DPP6: variants seen among roughly 807,000 people sequenced by gnomAD.
DPP6 encodes the protein A-type potassium channel modulatory protein DPP6.
DPP6 carries 69 observed loss-of-function variants against 122.6 expected under a neutral mutation model. That is an observed-to-expected ratio of 0.56 (90% CI 0.46 to 0.69). The LOEUF (loss-of-function observed/expected upper bound fraction) is 0.69. Among genes scored for constraint, DPP6 ranks in the 30% least tolerant of loss-of-function variants. DPP6 has a pLI of 0.00. For missense variants in DPP6, 928 were observed against 1,116.9 expected (o/e 0.83, Z 2.41); for synonymous variants, 418 against 433.1 (o/e 0.97, Z 0.43).
chr7:153,834,222 G>T, the DPP6 span, among the ~76,000 whole-genome samples: 1 of 151,500 alleles, frequency 6.6e-6, no homozygotes, highest in African/African-American at 2.4e-5. Context: ...AGGAGGCAGA[G>T]GTTGCAGTGA....
intron 5 of DPP6, among the ~76,000 whole-genome samples, chr7:154,612,013 G>A (rs1225296883): frequency 6.6e-6 from 1 of 152,156 alleles, no homozygotes; most frequent in Non-Finnish European, 1.5e-5. Context: ...AGTGCTGGGA[G>A]GTACAGCCCA....
intron 1 of DPP6, among the ~76,000 whole-genome samples, chr7:153,892,812 A>G (rs745933721): frequency 2.0e-5 from 3 of 152,286 alleles, no homozygotes; most frequent in Non-Finnish European, 2.9e-5. Flanking sequence ...CTAAGGTCAC[A>G]GTTTTCTGAG....
chr7:154,792,725 A>G (rs79651697), intron 10 of DPP6, among the ~76,000 whole-genome samples: 5,421 of 152,388 alleles, frequency 0.036, 158 homozygotes, highest in Non-Finnish European at 0.057. Flanking sequence ...TGTTTCAGAC[A>G]TCACAGAAAT....
At chr7:154,336,556 T>C (rs956611057) in intron 1 of DPP6, among the ~76,000 whole-genome samples, 1 of 152,166 alleles carries the variant, frequency 6.6e-6, no homozygotes, top group Non-Finnish European at 1.5e-5. Context: ...TTGCCAGAGC[T>C]GGAACGTAAC....
intron 1 of DPP6, among the ~76,000 whole-genome samples, chr7:154,101,786 G>A (rs1227630846): frequency 6.6e-6 from 1 of 151,522 alleles, no homozygotes; most frequent in Non-Finnish European, 1.5e-5. Flanking sequence ...AAATTAGCTG[G>A]GCACTGTGGC....
chr7:154,440,901 C>A (rs539045819), intron 1 of DPP6, among the ~76,000 whole-genome samples: 1 of 152,294 alleles, frequency 6.6e-6, no homozygotes, highest in Admixed American at 6.5e-5. Context: ...CCGATTGCTC[C>A]AGTCTTCTCC....
chr7:153,902,720 C>A (rs529435503), intron 1 of DPP6, among the ~76,000 whole-genome samples: 1 of 152,014 alleles, frequency 6.6e-6, no homozygotes, highest in Non-Finnish European at 1.5e-5. Context: ...CCTGTAATCC[C>A]AGCTGTTTGG....
At chr7:154,026,311 T>C (rs1798953505) in intron 1 of DPP6, 1 of 151,918 alleles carries the variant, frequency 6.6e-6, no homozygotes, top group South Asian at 2.1e-4. Context: ...CTCTGCCCCA[T>C]GTACCTTTTA....
At chr7:154,062,307 A>C (rs1401280777) in intron 1 of DPP6, among the ~76,000 whole-genome samples, 7 of 70,790 alleles carry the variant, frequency 9.9e-5, no homozygotes, top group Non-Finnish European at 1.7e-4. Flanking sequence ...CCCGGCTCTG[A>C]GGACCCCCAT....
At chr7:154,635,621 A>T (rs1835685427) in intron 5 of DPP6, among the ~76,000 whole-genome samples, 1 of 152,220 alleles carries the variant, frequency 6.6e-6, no homozygotes. Flanking sequence ...TTAATCTTGC[A>T]GTCACTGTGG....
rs1181193117 is a variant in DPP6 at position 154,053,098 on chromosome 7, G to T, written c.243+35G>T. 5 of 1,070,410 alleles carry T rather than the reference G, an allele frequency of 4.7e-6. No homozygotes were observed. In the African/African-American group the frequency reaches 6.7e-5, roughly 14 times the overall value. 66.3% of individuals were successfully genotyped at this position (1,070,410 alleles called of 1,614,324 possible). On this transcript the variant is annotated intron_variant, in intron 1 of 25. Coordinates refer to ENST00000377770, the MANE Select transcript of DPP6 (RefSeq NM_130797.4). ...TCTCGGGGGCGGGGGGCGGCGGCGGGTTCTCCGGGCTGAGCGCGCAGCGAG... is the reference window on the plus strand; with the variant it reads ...TCTCGGGGGCGGGGGGCGGCGGCGGTTTCTCCGGGCTGAGCGCGCAGCGAG...
intron 1 of DPP6, among the ~76,000 whole-genome samples, chr7:153,971,369 C>T (rs1485962109): frequency 2.6e-5 from 4 of 151,188 alleles, no homozygotes; most frequent in Non-Finnish European, 1.5e-5. Flanking sequence ...ATTTTATCTG[C>T]AAATCAAGCC....
At chr7:153,980,486 TA>T (rs967243277) in intron 1 of DPP6, among the ~76,000 whole-genome samples, 65 of 152,136 alleles carry the variant, frequency 4.3e-4, no homozygotes, top group Middle Eastern at 3.4e-3. Flanking sequence ...GTTAATCTTT[TA>T]AAAAAAACCA....
intron 1 of DPP6, among the ~76,000 whole-genome samples, chr7:154,332,966 G>C (rs554599712): frequency 1.3e-5 from 2 of 152,272 alleles, no homozygotes; most frequent in African/African-American, 4.8e-5. Context: ...TCTCAGGCGC[G>C]GGAGGCTCGC....
At chr7:154,862,902 T>C (rs1803531375) in intron 17 of DPP6, among the ~76,000 whole-genome samples, 1 of 152,194 alleles carries the variant, frequency 6.6e-6, no homozygotes, top group South Asian at 2.1e-4. Flanking sequence ...AACTCAACAT[T>C]CGGAGTTCAG....
intron 6 of DPP6, among the ~76,000 whole-genome samples, chr7:154,666,657 C>T (rs1018819017): frequency 3.4e-4 from 52 of 152,244 alleles, no homozygotes; most frequent in African/African-American, 1.2e-3. Context: ...CCCAATCCCT[C>T]CCACTCCCAG....
intron 5 of DPP6, among the ~76,000 whole-genome samples, chr7:154,626,061 A>C (rs981455741): frequency 6.6e-6 from 1 of 152,134 alleles, no homozygotes; most frequent in African/African-American, 2.4e-5. Context: ...AGTAGAAGAC[A>C]GGGATATGAC....
the DPP6 span, among the ~76,000 whole-genome samples, chr7:153,804,757 A>G: frequency 1.3e-4 from 19 of 151,940 alleles, no homozygotes; most frequent in Admixed American, 4.6e-4. Flanking sequence ...AGTGGTGGGC[A>G]CCTGTAATCC....
intron 1 of DPP6, among the ~76,000 whole-genome samples, chr7:154,265,484 G>A (rs971646102): frequency 5.3e-5 from 8 of 152,156 alleles, no homozygotes; most frequent in Non-Finnish European, 1.0e-4. Flanking sequence ...TTACAGAAAT[G>A]CACCGTTTAA....
Sources: gnomAD v4.1 joint callset for allele counts (sites outside exome capture counted in the v4.1 genomes callset) on GRCh38, gnomAD v4.1.1 for gene constraint, MANE v1.5 for transcripts, NCBI Gene and HGNC (gene_info 2026-07-23, HGNC 2026-07-21) for gene names.